ACACA: variants seen among roughly 807,000 people sequenced by gnomAD.
The protein encoded by ACACA is acetyl-CoA carboxylase 1.
Under a neutral mutation model 296.1 loss-of-function variants are expected in ACACA, and 103 were observed. That is an observed-to-expected ratio of 0.35 (90% CI 0.30 to 0.41). The LOEUF (loss-of-function observed/expected upper bound fraction) is 0.41. Among genes scored for constraint, ACACA ranks in the 10% least tolerant of loss-of-function variants. The pLI, the probability that ACACA is intolerant of heterozygous loss-of-function variation, is 1.00. For missense variants in ACACA, 1,554 were observed against 2,989.7 expected (o/e 0.52, Z 11.20); for synonymous variants, 953 against 1,038.6 (o/e 0.92, Z 1.58).
At chr17:37,196,814 G>C (rs2078023035) in intron 35 of ACACA, among the ~76,000 whole-genome samples, 1 of 151,756 alleles carries the variant, frequency 6.6e-6, no homozygotes, top group South Asian at 2.1e-4. Context: ...TCAAGACTTT[G>C]ATCTTTTTTC....
rs776534091 is a variant in ACACA, at chr17:37,248,667, C to G, written c.2089G>C (p.Val697Leu). 6.2e-7 allele frequency: 1 copy of G among 1,608,614 alleles called. No homozygotes were observed. Among genetic ancestry groups the G allele is most frequent in the Non-Finnish European group, 8.5e-7 (1 of 1,175,844 alleles). The change falls in exon 17 of 56, where the codon GTC becomes CTC. Residue 697 changes from valine (V) to leucine (L), a missense_variant. Coordinates refer to ENST00000616317, the MANE Select transcript of ACACA (RefSeq NM_198834.3). ...NFLHSLERGQ[V>L]LPAHTLLNTV... ...TTCAGAAGTGTATGAGCAGGAAGGA[C>G]TTGACCCCTGAAAGAACGATGAGAG...
chr17:37,203,510 G>C (rs966731416), intron 33 of ACACA, among the ~76,000 whole-genome samples: 5 of 151,768 alleles, frequency 3.3e-5, no homozygotes, highest in Non-Finnish European at 7.4e-5. Flanking sequence ...TTGGGAGGCC[G>C]AGGCAGGCAG....
At chr17:37,198,133 C>A (rs2078086418) in intron 35 of ACACA, among the ~76,000 whole-genome samples, 1 of 152,158 alleles carries the variant, frequency 6.6e-6, no homozygotes, top group East Asian at 1.9e-4. Flanking sequence ...ATATTTATAA[C>A]TATACACTAT....
At chr17:37,317,061 C>T (rs1363015274) in intron 3 of ACACA, among the ~76,000 whole-genome samples, 17 of 143,000 alleles carry the variant, frequency 1.2e-4, no homozygotes. Context: ...GTGACAGAGA[C>T]CCTGTCACAG....
intron 1 of ACACA, among the ~76,000 whole-genome samples, chr17:37,385,299 C>T (rs2050476506): frequency 6.6e-6 from 1 of 152,046 alleles, no homozygotes; most frequent in East Asian, 1.9e-4. Context: ...TGGTGAAACC[C>T]CATCTCTACC....
At chr17:37,165,269 T>A (rs1245296307) in intron 41 of ACACA, among the ~76,000 whole-genome samples, 1 of 152,112 alleles carries the variant, frequency 6.6e-6, no homozygotes, top group East Asian at 1.9e-4. Context: ...TCAATTTACA[T>A]TAAAATAATT....
At chr17:37,163,610 T>C (rs115721037) in intron 41 of ACACA, among the ~76,000 whole-genome samples, 1,758 of 152,276 alleles carry the variant, frequency 0.012, 39 homozygotes, top group African/African-American at 0.038. Context: ...TAGCATTTGA[T>C]AGGAATAACA....
chr17:37,130,833 T>C (rs892613659), intron 45 of ACACA, among the ~76,000 whole-genome samples: 5 of 152,078 alleles, frequency 3.3e-5, no homozygotes, highest in African/African-American at 1.2e-4. Flanking sequence ...TAGTGACAAG[T>C]CTCAGTTAAA....
At chr17:37,391,768 C>T in intron 1 of ACACA, 4 of 1,522,592 alleles carry the variant, frequency 2.6e-6, no homozygotes, top group Non-Finnish European at 3.6e-6. Flanking sequence ...CTACACAGTC[C>T]TCTCCCTATT....
chr17:37,105,763 C>T (rs1458322398), intron 52 of ACACA, among the ~76,000 whole-genome samples: 2 of 150,718 alleles, frequency 1.3e-5, no homozygotes, highest in Admixed American at 6.6e-5. Context: ...ACTCAGGAGG[C>T]TGAGGTAGGA....
chr17:37,267,003 C>T (rs976164645), intron 10 of ACACA, among the ~76,000 whole-genome samples: 2 of 152,218 alleles, frequency 1.3e-5, no homozygotes, highest in Non-Finnish European at 2.9e-5. Context: ...AATGTTCAGC[C>T]TACACCTATG....
intron 10 of ACACA, among the ~76,000 whole-genome samples, chr17:37,268,428 T>G (rs1200375509): frequency 1.3e-5 from 2 of 152,128 alleles, no homozygotes; most frequent in African/African-American, 2.4e-5. Flanking sequence ...CTATTTCCAG[T>G]TCACCCTTTC....
At chr17:37,229,067 C>A (rs2079698621) in intron 25 of ACACA, among the ~76,000 whole-genome samples, 1 of 150,932 alleles carries the variant, frequency 6.6e-6, no homozygotes, top group Non-Finnish European at 1.5e-5. Context: ...TGGTGTGAAC[C>A]CGGGAGGCAG....
intron 1 of ACACA, among the ~76,000 whole-genome samples, chr17:37,350,451 T>C (rs1258274610): frequency 2.0e-5 from 3 of 150,966 alleles, no homozygotes; most frequent in Admixed American, 6.6e-5. Context: ...GCCCAGGAGG[T>C]TGAGGCTGCA....
intron 41 of ACACA, among the ~76,000 whole-genome samples, chr17:37,173,449 T>C (rs769353889): frequency 2.0e-5 from 3 of 152,202 alleles, no homozygotes; most frequent in Non-Finnish European, 2.9e-5. Flanking sequence ...ACCAACTTCC[T>C]TTCCCTACCA....
intron 2 of ACACA, among the ~76,000 whole-genome samples, chr17:37,335,260 T>C (rs1096038): frequency 0.22 from 33,656 of 151,904 alleles, 4,032 homozygotes; most frequent in Admixed American, 0.34. Flanking sequence ...CTTTAGGCCA[T>C]ACATTTCAAT....
chr17:37,377,821 A>G (rs1450438073), intron 1 of ACACA: 1 of 1,397,994 alleles, frequency 7.2e-7, no homozygotes, highest in African/African-American at 1.4e-5. Context: ...GTACCAGTAA[A>G]TTCTGATTTT....
At chr17:37,345,728 C>T (rs78700675) in intron 1 of ACACA, among the ~76,000 whole-genome samples, 114 of 152,224 alleles carry the variant, frequency 7.5e-4, no homozygotes, top group African/African-American at 2.4e-3. Flanking sequence ...GAGAAAATAT[C>T]AGACAAATTT....
Position 37,205,722 on chromosome 17 carries a change from T to G in ACACA, c.4056+43A>C, listed in dbSNP as rs369265795. 4.2e-6 allele frequency: 6 copies of G among 1,435,202 alleles called. No homozygotes were observed. In the Admixed American group the frequency reaches 6.7e-5, roughly 16 times the overall value. 88.9% of individuals were successfully genotyped at this position (1,435,202 alleles called of 1,614,324 possible). ...AAGGATAGCTATGATACACAGCCAGTAGAAAGGGGACATCACGAGCTTCCA... is the reference window on the plus strand; with the variant it reads ...AAGGATAGCTATGATACACAGCCAGGAGAAAGGGGACATCACGAGCTTCCA... On this transcript the variant is annotated intron_variant, in intron 33 of 55. Transcript: ENST00000616317.
Sources: allele counts gnomAD v4.1 joint callset (sites outside exome capture counted in the v4.1 genomes callset), GRCh38; gene constraint gnomAD v4.1.1; transcripts MANE v1.5; gene names NCBI Gene and HGNC (gene_info 2026-07-23, HGNC 2026-07-21).